The following CCDC171 variants were observed in gnomAD, a reference collection of about 807,000 sequenced individuals.
CCDC171 encodes coiled-coil domain containing 171, also known as coiled-coil domain-containing protein 171.
CCDC171 carries 177 observed loss-of-function variants against 168.2 expected under a neutral mutation model. The ratio of observed to expected loss-of-function variants is 1.05; its 90% CI spans 0.93 to 1.19. The LOEUF (loss-of-function observed/expected upper bound fraction) is 1.19, where lower values mean the gene tolerates loss of function less well. Among genes scored for constraint, CCDC171 ranks in the 50% most tolerant of loss-of-function variants. CCDC171 has a pLI of 0.00. For missense variants in CCDC171, 1,991 were observed against 1,539.0 expected, an observed-to-expected ratio of 1.29 and a Z score of -4.91; for synonymous variants, 687 against 540.8, an observed-to-expected ratio of 1.27 and a Z score of -3.75.
chr9:16,049,198 T>C (rs568330749), intron 1 of CCDC171, among the ~76,000 whole-genome samples: 80 of 152,324 alleles, frequency 5.3e-4, no homozygotes, highest in African/African-American at 1.8e-3. Context: ...AGTTGCATCA[T>C]ATTAGGCAGA....
chr9:15,931,465 T>G (rs1293817928), intron 25 of CCDC171, among the ~76,000 whole-genome samples: 1 of 144,658 alleles, frequency 6.9e-6, no homozygotes, highest in Non-Finnish European at 1.5e-5. Flanking sequence ...TCTTTTTTTT[T>G]TTTTTTTTTT....
intron 3 of CCDC171, among the ~76,000 whole-genome samples, chr9:15,981,653 A>AC (rs1831800552): frequency 6.6e-6 from 1 of 152,316 alleles, no homozygotes; most frequent in Non-Finnish European, 1.5e-5. Flanking sequence ...GGTTAGAAGT[A>AC]CGCAGCTCAT....
intron 16 of CCDC171, among the ~76,000 whole-genome samples, chr9:15,739,866 T>C (rs1411726533): frequency 6.6e-6 from 1 of 151,934 alleles, no homozygotes; most frequent in Non-Finnish European, 1.5e-5. Context: ...GCCTCCTGAG[T>C]ATCTGGGACT....
intron 1 of CCDC171, among the ~76,000 whole-genome samples, chr9:16,057,813 T>C (rs1833866052): frequency 1.3e-5 from 2 of 152,270 alleles, no homozygotes; most frequent in South Asian, 4.1e-4. Context: ...CTGGATCCAC[T>C]CAGGCACAGT....
chr9:15,874,619 G>A lies in CCDC171; in HGVS notation c.3556G>A (p.Ala1186Thr). Reference protein sequence around the residue: ...QLPKLHLETFAMEGLKGGPEV... With the variant: ...QLPKLHLETFTMEGLKGGPEV... ...ACCCAAACTGCACCTGGAGACCTTT[G>A]CAATGGAGGGGCTCAAGGGCGGGCC... The change falls in exon 24 of 26, where the codon GCA (alanine) becomes ACA (threonine). Residue 1186 changes from alanine to threonine, a missense_variant. Coordinates refer to ENST00000380701, the MANE Select transcript of CCDC171 (RefSeq NM_173550.4). 6.2e-7 allele frequency: 1 copy of A among 1,605,706 alleles called. No homozygotes were observed. Among genetic ancestry groups the A allele is most frequent in the Non-Finnish European group, 8.5e-7 (1 of 1,176,118 alleles).
At chr9:15,592,405 C>A (rs1291845142) in intron 5 of CCDC171, among the ~76,000 whole-genome samples, 2 of 152,000 alleles carry the variant, frequency 1.3e-5, no homozygotes, top group Non-Finnish European at 2.9e-5. Flanking sequence ...CTACCTTTAC[C>A]ATTGGTGTAA....
intron 7 of CCDC171, among the ~76,000 whole-genome samples, chr9:15,640,551 C>G (rs183951956): frequency 9.9e-5 from 15 of 152,174 alleles, no homozygotes; most frequent in African/African-American, 3.4e-4. Context: ...ATATTTAACT[C>G]TAGGCATAAT....
At chr9:15,582,392 A>G (rs918566733) in intron 4 of CCDC171, among the ~76,000 whole-genome samples, 3 of 152,240 alleles carry the variant, frequency 2.0e-5, no homozygotes, top group Non-Finnish European at 2.9e-5. Context: ...AGGATCTAGA[A>G]CTAGAAATAC....
At chr9:15,641,296 C>A (rs1343046355) in intron 7 of CCDC171, among the ~76,000 whole-genome samples, 2 of 152,174 alleles carry the variant, frequency 1.3e-5, no homozygotes, top group South Asian at 4.1e-4. Context: ...TAATTCATCT[C>A]ATTTTTCTTG....
At chr9:16,053,676 C>T (rs559868379) in intron 1 of CCDC171, among the ~76,000 whole-genome samples, 33 of 152,336 alleles carry the variant, frequency 2.2e-4, no homozygotes, top group East Asian at 7.7e-4. Flanking sequence ...CTATTTGCCA[C>T]GAAGGCTGAA....
intron 25 of CCDC171, among the ~76,000 whole-genome samples, chr9:15,942,000 T>C (rs574371016): frequency 1.3e-5 from 2 of 152,064 alleles, no homozygotes; most frequent in South Asian, 2.1e-4. Flanking sequence ...TGAGCCTTTA[T>C]GTATATGCTG....
chr9:15,976,834 A>C (rs1831633886), downstream of CCDC171, among the ~76,000 whole-genome samples: 1 of 152,046 alleles, frequency 6.6e-6, no homozygotes, highest in Non-Finnish European at 1.5e-5. Context: ...TTTTGTCTTT[A>C]CTTTGGTGAA....
In CCDC171 at chr9:15,791,207, T is replaced by C. The variant is rs561373488; in HGVS notation, c.3267+6513T>C. On this transcript the variant is annotated intron_variant, in intron 21 of 25. Coordinates refer to ENST00000380701, the MANE Select transcript of CCDC171 (RefSeq NM_173550.4). ...TTGGGCGGTATGGCCATTTTCACGA[T>C]GTTGATTCTTCCTATCCATGAGCAT... Among the ~76,000 whole-genome samples the C allele has an allele frequency of 1.2e-4, 19 of 152,318 alleles. No homozygotes were observed. In the East Asian group the frequency reaches 3.3e-3, roughly 26 times the overall value.
intron 18 of CCDC171, among the ~76,000 whole-genome samples, chr9:15,770,562 G>A (rs773660128): frequency 6.6e-6 from 1 of 151,896 alleles, no homozygotes. Context: ...ATATGTTTCT[G>A]GATATTCTTA....
intron 3 of CCDC171, among the ~76,000 whole-genome samples, chr9:15,986,489 A>G (rs1927699): frequency 0.5 from 75,321 of 152,102 alleles, 20,045 homozygotes; most frequent in African/African-American, 0.71. Flanking sequence ...AGGCTTTGAA[A>G]TGCAAAGCCT....
intron 21 of CCDC171, among the ~76,000 whole-genome samples, chr9:15,803,108 G>T (rs1025865406): frequency 2.6e-5 from 4 of 151,596 alleles, no homozygotes; most frequent in East Asian, 1.9e-4. Flanking sequence ...AGGGTTGGTT[G>T]GTTGGTTGTT....
At chr9:15,953,823 G>C (rs1046800817) in intron 25 of CCDC171, among the ~76,000 whole-genome samples, 2 of 151,920 alleles carry the variant, frequency 1.3e-5, no homozygotes, top group Non-Finnish European at 2.9e-5. Context: ...CTTGTTGAAA[G>C]GTTTTTGATT....
At chr9:16,050,001 C>G (rs985527440) in intron 1 of CCDC171, among the ~76,000 whole-genome samples, 2 of 152,218 alleles carry the variant, frequency 1.3e-5, no homozygotes, top group East Asian at 1.9e-4. Flanking sequence ...ATTCTCCCAC[C>G]TTAGCCTCCC....
At chr9:16,010,001 A>G (rs1251500050) in intron 3 of CCDC171, among the ~76,000 whole-genome samples, 1 of 152,218 alleles carries the variant, frequency 6.6e-6, no homozygotes, top group East Asian at 1.9e-4. Context: ...CTTCATTATT[A>G]AAATTCAGAA....
Sources: allele counts gnomAD v4.1 joint callset (sites outside exome capture counted in the v4.1 genomes callset), GRCh38; gene constraint gnomAD v4.1.1; transcripts MANE v1.5; gene names NCBI Gene and HGNC (gene_info 2026-07-23, HGNC 2026-07-21).